The following APOL6 variants were observed in gnomAD, a reference collection of about 807,000 sequenced individuals.
APOL6 encodes the protein apolipoprotein L6.
Under a neutral mutation model 2.4 loss-of-function variants are expected in APOL6, and 1 was observed. The ratio of observed to expected loss-of-function variants is 0.41; its 90% confidence interval spans 0.15 to 1.94. The LOEUF (loss-of-function observed/expected upper bound fraction) is 1.94. APOL6 is among the 30% of genes most tolerant of loss of function. The pLI is 0.30. For synonymous variants in APOL6, 189 were observed against 169.3 expected (o/e 1.12, Z -0.90); for missense variants, 438 against 429.2 (o/e 1.02, Z -0.18).
chr22:35,650,930 CAAAA>C lies in APOL6; in HGVS notation c.-48+2319_-48+2322del, dbSNP rs202235953. ...GGGCAACAAGAGCAAAATTCAGTCT[CAAAA>C]AAAAAAAAAAATTTTTTTAAAAATA... On this transcript the variant is annotated intron_variant, in intron 1 of 2. Transcript: ENST00000409652. 4.6e-4 allele frequency among the ~76,000 whole-genome samples: 62 copies of C among 136,234 alleles called. 1 individual carries two copies. The highest frequency in any genetic ancestry group is 1.2e-3 in the African/African-American group (45 of 38,036). 89.4% of individuals were successfully genotyped at this position (136,234 alleles called of 152,430 possible).
At chr22:35,657,547 G>C (rs1339094141) in intron 2 of APOL6, among the ~76,000 whole-genome samples, 1 of 152,178 alleles carries the variant, frequency 6.6e-6, no homozygotes, top group Non-Finnish European at 1.5e-5. Flanking sequence ...TGACAGGTGA[G>C]AGGAAAGGCA....
chr22:35,658,472 T>C, intron 2 of APOL6, 143 bp from the exon 3 acceptor site: 2 of 734,696 alleles, frequency 2.7e-6, no homozygotes, highest in Non-Finnish European at 2.2e-6. Flanking sequence ...TGAACTACTC[T>C]ACAATGCTCT....
Position 35,656,365 on chromosome 22 carries a change from A to C in APOL6, c.-47-14A>C. On this transcript the variant is annotated splice_polypyrimidine_tract_variant and intron_variant, in intron 1 of 2. Transcript: ENST00000409652. ...ATATGTGCAGTAACGTTGTTTTTCT[A>C]CATTCCTGACCAGAAAATCATTTGA... The C allele has an allele frequency of 6.2e-7, 1 of 1,600,774 alleles. No individual in the cohort carries two copies. The highest frequency in any genetic ancestry group is 1.1e-5 in the South Asian group (1 of 90,818).
chr22:35,650,058 G>A (rs1924647539), intron 1 of APOL6, among the ~76,000 whole-genome samples: 1 of 152,192 alleles, frequency 6.6e-6, no homozygotes, highest in Non-Finnish European at 1.5e-5. Flanking sequence ...CTTACTGTGT[G>A]ACACTGGCCT....
rs1925082392 is a variant in APOL6, at chr22:35,663,298, G to A, written c.*3702G>A. ...AGACCAAACTCAAAGAGCAATGGCT[G>A]TACTTCTGAAATAGCAACACTTTGT... On this transcript the variant is annotated 3_prime_UTR_variant, in exon 3 of 3. Coordinates refer to ENST00000409652, the MANE Select transcript of APOL6 (RefSeq NM_030641.4). 6.6e-6 allele frequency: 1 copy of A among 152,080 alleles called. No homozygotes were observed. The highest frequency in any genetic ancestry group is 1.5e-5 in the Non-Finnish European group (1 of 68,016). 9.4% of individuals were successfully genotyped at this position (152,080 alleles called of 1,614,324 possible).
chr22:35,651,572 G>A (rs1370744826), intron 1 of APOL6, among the ~76,000 whole-genome samples: 8 of 144,752 alleles, frequency 5.5e-5, no homozygotes, highest in South Asian at 2.4e-4. Flanking sequence ...AACAGGCCCC[G>A]GTGTGTGACG....
chr22:35,659,001 T>G lies in APOL6; in HGVS notation c.437T>G (p.Leu146Arg). The change falls in exon 3 of 3, where the codon CTG becomes CGG. Residue 146 changes from leucine (L) to arginine (R), a missense_variant. Coordinates refer to ENST00000409652, the MANE Select transcript of APOL6 (RefSeq NM_030641.4). Reference protein sequence around the residue: ...KEAQARAEDILPTYDQEDRED... With the variant: ...KEAQARAEDIRPTYDQEDRED... ...GCCCAAGCACGGGCGGAAGACATACTGCCCACCTACGACCAAGAGGACAGG... is the reference window on the plus strand; with the variant it reads ...GCCCAAGCACGGGCGGAAGACATACGGCCCACCTACGACCAAGAGGACAGG... 1 of 1,613,836 alleles carries G rather than the reference T, an allele frequency of 6.2e-7. No homozygotes were observed. The highest frequency in any genetic ancestry group is 8.5e-7 in the Non-Finnish European group (1 of 1,180,022).
At chr22:35,650,034 C>T (rs1337197631) in intron 1 of APOL6, among the ~76,000 whole-genome samples, 1 of 152,214 alleles carries the variant, frequency 6.6e-6, no homozygotes, top group African/African-American at 2.4e-5. Flanking sequence ...GCTGGAATTG[C>T]ACAGGCTTTC....
Position 35,656,463 on chromosome 22 carries a change from T to C in APOL6, c.38T>C (p.Val13Ala), listed in dbSNP as rs1924847830. The C allele has an allele frequency of 6.2e-7, 1 of 1,613,946 alleles. No homozygotes were observed. Among genetic ancestry groups the C allele is most frequent in the Admixed American group, 1.7e-5 (1 of 59,988 alleles). Residue 13 changes from valine to alanine, a missense_variant, in exon 2 of 3, where the codon GTT (valine) becomes GCT (alanine). Physicochemically the swap from Val to Ala is moderately conservative, Grantham distance 64. Transcript: ENST00000409652. ...GCGGAGAGAGAAAGTGAGGCTGGTG[T>C]TGGTTTGCAAAGGTAATCCAAAGGG... ...NQAERESEAG[V>A]GLQRDEDDAP...
chr22:35,658,442 C>G (rs557398223), intron 2 of APOL6, among the ~76,000 whole-genome samples, 173 bp from the exon 3 acceptor site: 1 of 152,060 alleles, frequency 6.6e-6, no homozygotes, highest in Non-Finnish European at 1.5e-5. Flanking sequence ...TCCATGGAAC[C>G]AGTAGTTTTC....
At chr22:35,653,449 T>A (rs1924753647) in intron 1 of APOL6, among the ~76,000 whole-genome samples, 1 of 152,226 alleles carries the variant, frequency 6.6e-6, no homozygotes. Flanking sequence ...ATAGGAGTGG[T>A]GAGAGAGGGC....
At chr22:35,652,478 A>G (rs1471599106) in intron 1 of APOL6, among the ~76,000 whole-genome samples, 1 of 152,158 alleles carries the variant, frequency 6.6e-6, no homozygotes, top group African/African-American at 2.4e-5. Flanking sequence ...GCCCATGCCT[A>G]TGTCCTGAAT....
chr22:35,651,230 C>T (rs1569133336), intron 1 of APOL6, among the ~76,000 whole-genome samples: 1 of 152,152 alleles, frequency 6.6e-6, no homozygotes, highest in Non-Finnish European at 1.5e-5. Context: ...GTTCTGGAGG[C>T]TGGAAGTCAA....
At chr22:35,649,968 T>G (rs939672736) in intron 1 of APOL6, among the ~76,000 whole-genome samples, 6 of 152,186 alleles carry the variant, frequency 3.9e-5, no homozygotes, top group African/African-American at 1.4e-4. Context: ...ATATTAGCAG[T>G]GTCCCTGAGG....
intron 1 of APOL6, among the ~76,000 whole-genome samples, chr22:35,654,468 G>A (rs769260043): frequency 5.3e-5 from 8 of 151,600 alleles, no homozygotes; most frequent in Middle Eastern, 3.4e-3. Context: ...TGCTCTCATC[G>A]CTCAGGAAAT....
rs1416000583 is a variant in APOL6 at position 35,667,734 on chromosome 22, A to G, written c.*8138A>G. 2 of 152,188 alleles carry G rather than the reference A, an allele frequency of 1.3e-5. No individual in the cohort carries two copies. The highest frequency in any genetic ancestry group is 2.1e-4 in the South Asian group (1 of 4,826). 9.4% of individuals were successfully genotyped at this position (152,188 alleles called of 1,614,324 possible). On this transcript the variant is annotated 3_prime_UTR_variant, in exon 3 of 3. Transcript: ENST00000409652. ...AAGCTGTGCTTTTAACTTCCCCACCATGTTGCACCTAAAGCTTTGGAGTTT... is the reference window on the plus strand; with the variant it reads ...AAGCTGTGCTTTTAACTTCCCCACCGTGTTGCACCTAAAGCTTTGGAGTTT...
rs1601867898 is a variant in APOL6 at position 35,658,762 on chromosome 22, T to C, written c.198T>C (p.Asp66=). The change falls in exon 3 of 3, where the codon GAT becomes GAC. Residue 66 remains aspartate (D), a synonymous_variant. Transcript: ENST00000409652. ...ACAAGCTCCGTGCCCTCGCAGACGA[T>C]ATTGACAAAACCCACAAGAAATTCA... ...NIDKLRALAD[D]IDKTHKKFTK... is the part of the protein sequence containing the mutation. 1.9e-6 allele frequency: 3 copies of C among 1,614,078 alleles called. No individual in the cohort carries two copies. Among genetic ancestry groups the C allele is most frequent in the Non-Finnish European group, 2.5e-6 (3 of 1,179,998 alleles).
At chr22:35,656,171 A>G (rs1924839200) in intron 1 of APOL6, among the ~76,000 whole-genome samples, 1 of 152,186 alleles carries the variant, frequency 6.6e-6, no homozygotes, top group Non-Finnish European at 1.5e-5. Context: ...ATAGAGGTAA[A>G]AATGTATTGA....
rs1175791422 is a variant in APOL6, at chr22:35,664,531, G to A, written c.*4935G>A. 6.6e-6 allele frequency: 1 copy of A among 152,156 alleles called. No individual in the cohort carries two copies. The highest frequency in any genetic ancestry group is 6.6e-5 in the Admixed American group (1 of 15,266). 9.4% of individuals were successfully genotyped at this position (152,156 alleles called of 1,614,324 possible). A position where few individuals can be genotyped will look rare whatever the true frequency, so the allele number is the denominator to read the frequency against. On this transcript the variant is annotated 3_prime_UTR_variant, in exon 3 of 3. Transcript: ENST00000409652. The stretch of plus-strand genomic sequence containing the variant: ...GTTAAGAGCAAGGTGGAGTCAGTTA[G>A]GTCAAATCGTTTTTCACTGTCTCAG...
Sources: allele counts gnomAD v4.1 joint callset (sites outside exome capture counted in the v4.1 genomes callset), GRCh38; gene constraint gnomAD v4.1.1; transcripts MANE v1.5; gene names NCBI Gene and HGNC (gene_info 2026-07-23, HGNC 2026-07-21).